PUDP: variants seen among roughly 807,000 people sequenced by gnomAD.
PUDP encodes pseudouridine-5'-phosphatase.
Under a neutral mutation model 9.4 loss-of-function variants are expected in PUDP, and 8 were observed. The ratio of observed to expected loss-of-function variants is 0.85; its 90% CI spans 0.50 to 1.53. The LOEUF is 1.53. PUDP is among the 40% of genes most tolerant of loss of function. PUDP has a pLI of 0.00. For missense variants in PUDP, 188 were observed against 189.7 expected (o/e 0.99, Z 0.05); for synonymous variants, 99 against 80.7 (o/e 1.23, Z -1.22).
intron 3 of PUDP, among the ~76,000 whole-genome samples, chrX:6,759,728 C>G (rs1925207638): frequency 8.9e-6 from 1 of 111,840 alleles, no homozygotes; most frequent in Non-Finnish European, 1.9e-5. Context: ...TTTCCTTTGC[C>G]TCAGGACGTG....
chrX:7,117,714 C>T (rs1214438635), intron 1 of PUDP, among the ~76,000 whole-genome samples: 1 of 113,017 alleles, frequency 8.8e-6, no homozygotes, highest in Non-Finnish European at 1.9e-5. Context: ...GAGAAATTTG[C>T]ATATCTAAAA....
At chrX:6,840,324 T>G (rs905048831) in intron 3 of PUDP, among the ~76,000 whole-genome samples, 1 of 112,275 alleles carries the variant, frequency 8.9e-6, no homozygotes, top group African/African-American at 3.2e-5. Flanking sequence ...GTCTCTGGTA[T>G]GTCTTTATCA....
chrX:7,065,883 C>A, intron 3 of PUDP, among the ~76,000 whole-genome samples: 1 of 112,179 alleles, frequency 8.9e-6, no homozygotes, highest in Non-Finnish European at 1.9e-5. Context: ...CTCCTCCAAT[C>A]GCAGTGAAGA....
At chrX:6,957,962 G>A (rs1006591053) in intron 3 of PUDP, among the ~76,000 whole-genome samples, 1 of 111,943 alleles carries the variant, frequency 8.9e-6, no homozygotes, top group African/African-American at 3.2e-5. Context: ...CAACATGGTT[G>A]TTTGAAATGC....
intron 3 of PUDP, among the ~76,000 whole-genome samples, chrX:6,854,315 T>A (rs1926872780): frequency 9.0e-6 from 1 of 111,571 alleles, no homozygotes; most frequent in Non-Finnish European, 1.9e-5. Context: ...TTCAAAACAT[T>A]CAGAATCAGA....
intron 3 of PUDP, among the ~76,000 whole-genome samples, chrX:6,816,952 A>ATG (rs1432486428): frequency 3.1e-5 from 3 of 96,824 alleles, no homozygotes; most frequent in African/African-American, 7.6e-5. Flanking sequence ...TATATACTAT[A>ATG]TGTATATACA....
At chrX:7,050,974 G>C (rs1373886810) in intron 3 of PUDP, among the ~76,000 whole-genome samples, 1 of 111,934 alleles carries the variant, frequency 8.9e-6, no homozygotes, top group Non-Finnish European at 1.9e-5. Context: ...CGTGACAAAT[G>C]AGCACGAAAA....
At chrX:7,135,077 A>T (rs192724884) in intron 1 of PUDP, among the ~76,000 whole-genome samples, 112 of 111,880 alleles carry the variant, frequency 1.0e-3, no homozygotes, top group Admixed American at 2.3e-3. Flanking sequence ...TGTGGGCAGC[A>T]CTTCAGGAAG....
intron 3 of PUDP, among the ~76,000 whole-genome samples, chrX:6,844,186 C>G (rs1318398276): frequency 8.9e-6 from 1 of 112,600 alleles, no homozygotes; most frequent in East Asian, 2.8e-4. Flanking sequence ...ATATAAGGAC[C>G]CTTGTGATTA....
chrX:7,067,981 C>G (rs190000425), intron 3 of PUDP, among the ~76,000 whole-genome samples: 1 of 111,705 alleles, frequency 9.0e-6, no homozygotes, highest in Non-Finnish European at 1.9e-5. Flanking sequence ...TGACTTGCTG[C>G]TCCTTGCCTT....
At chrX:6,982,946 G>A (rs1381984001) in intron 1 of PUDP, among the ~76,000 whole-genome samples, 2 of 111,783 alleles carry the variant, frequency 1.8e-5, no homozygotes, top group South Asian at 3.8e-4. Context: ...TCCATTGCCC[G>A]GCGAAAGGAT....
At chrX:6,751,099 G>GCACA (rs2146669524) in intron 3 of PUDP, among the ~76,000 whole-genome samples, 1 of 108,597 alleles carries the variant, frequency 9.2e-6, no homozygotes, top group Admixed American at 9.9e-5. Flanking sequence ...CCAAGATTGT[G>GCACA]CCACTGCACT....
chrX:6,770,666 C>T (rs1182081669), intron 3 of PUDP, among the ~76,000 whole-genome samples: 1 of 110,993 alleles, frequency 9.0e-6, no homozygotes, highest in Non-Finnish European at 1.9e-5. Context: ...ATAGGATTGC[C>T]GGCTTTGGGC....
chrX:6,748,295 C>G (rs1471241392), intron 3 of PUDP, among the ~76,000 whole-genome samples: 1 of 111,858 alleles, frequency 8.9e-6, no homozygotes, highest in African/African-American at 3.3e-5. Flanking sequence ...GGGGTTCCTG[C>G]AGGCTTCTTT....
chrX:7,067,777 C>G (rs1166173341), intron 3 of PUDP, among the ~76,000 whole-genome samples: 1 of 111,098 alleles, frequency 9.0e-6, no homozygotes, highest in East Asian at 2.8e-4. Context: ...ACCCAAATCT[C>G]ATCTTGAATT....
chrX:6,789,377 A>G (rs1925700900), intron 3 of PUDP, among the ~76,000 whole-genome samples: 1 of 111,721 alleles, frequency 9.0e-6, no homozygotes, highest in Non-Finnish European at 1.9e-5. Flanking sequence ...GAGTAGAAAC[A>G]GATGAGGTTC....
chrX:7,002,199 A>T (rs1161491828), intron 1 of PUDP, among the ~76,000 whole-genome samples: 1 of 112,100 alleles, frequency 8.9e-6, no homozygotes, highest in Non-Finnish European at 1.9e-5. Flanking sequence ...ATATGGAAAG[A>T]TGTTCAATCT....
At chrX:6,775,466 T>TATAG (rs56695005) in intron 3 of PUDP, among the ~76,000 whole-genome samples, 19,305 of 101,844 alleles carry the variant, frequency 0.19, 1,972 homozygotes, top group African/African-American at 0.38. Flanking sequence ...GATAGATAGA[T>TATAG]ATAGATAGAT....
intron 3 of PUDP, among the ~76,000 whole-genome samples, chrX:6,947,046 G>C (rs1928478104): frequency 9.4e-6 from 1 of 106,705 alleles, no homozygotes; most frequent in Admixed American, 1.0e-4. Flanking sequence ...TATTGCCCAG[G>C]CTGGAGTGCA....
Sources: allele counts gnomAD v4.1 joint callset (sites outside exome capture counted in the v4.1 genomes callset), GRCh38; gene constraint gnomAD v4.1.1; transcripts MANE v1.5; gene names NCBI Gene and HGNC (gene_info 2026-07-23, HGNC 2026-07-21).